The following PTTG1IP2 variants were observed in gnomAD, a reference collection of about 807,000 sequenced individuals.
PTTG1IP2 encodes the protein PTTG1IP family member 2.
At chr7:90,483,522 A>G (rs1318242034) in intron 2 of PTTG1IP2, among the ~76,000 whole-genome samples, 1 of 152,158 alleles carries the variant, frequency 6.6e-6, no homozygotes, top group Non-Finnish European at 1.5e-5. Context: ...CTGAGTTCAG[A>G]CAAAATGGAA....
chr7:90,497,496 G>A (rs1398703545), intron 6 of PTTG1IP2, among the ~76,000 whole-genome samples: 4 of 149,836 alleles, frequency 2.7e-5, no homozygotes, highest in South Asian at 2.1e-4. Flanking sequence ...CCCGGGAGGC[G>A]GAGCTTGCAG....
At chr7:90,508,953 G>A (rs556707213) in intron 6 of PTTG1IP2, among the ~76,000 whole-genome samples, 53 of 152,278 alleles carry the variant, frequency 3.5e-4, no homozygotes, top group African/African-American at 1.3e-3. Flanking sequence ...GGTGAGGTGA[G>A]CAATCTGGCT....
intron 4 of PTTG1IP2, among the ~76,000 whole-genome samples, chr7:90,491,469 A>G (rs17866289): frequency 6.6e-6 from 1 of 152,028 alleles, no homozygotes; most frequent in Non-Finnish European, 1.5e-5. Context: ...CTAAAAATAC[A>G]AAACTTAGCT....
At chr7:90,511,025 C>T (rs1798183805) in intron 6 of PTTG1IP2, among the ~76,000 whole-genome samples, 1 of 152,080 alleles carries the variant, frequency 6.6e-6, no homozygotes. Context: ...TCAGAACTTA[C>T]ACCAGTCATC....
chr7:90,497,546 A>G (rs1046683869), intron 6 of PTTG1IP2, among the ~76,000 whole-genome samples: 10 of 140,176 alleles, frequency 7.1e-5, no homozygotes, highest in Non-Finnish European at 1.4e-4. Context: ...CCTGGGCGAC[A>G]GAGCGAGAAT....
intron 2 of PTTG1IP2, among the ~76,000 whole-genome samples, chr7:90,480,067 A>G (rs774891115): frequency 2.5e-4 from 38 of 152,152 alleles, no homozygotes; most frequent in Admixed American, 9.2e-4. Flanking sequence ...TGCTTTCCAC[A>G]GCCAGCGATG....
chr7:90,505,751 G>A (rs932237123), intron 6 of PTTG1IP2, among the ~76,000 whole-genome samples: 2 of 151,798 alleles, frequency 1.3e-5, no homozygotes, highest in Admixed American at 6.6e-5. Flanking sequence ...TTGGGAGGCC[G>A]AGGCGGGTGG....
intron 2 of PTTG1IP2, among the ~76,000 whole-genome samples, chr7:90,484,502 A>C (rs1160883439): frequency 6.6e-6 from 1 of 152,144 alleles, no homozygotes; most frequent in Non-Finnish European, 1.5e-5. Flanking sequence ...CACTCCAAAA[A>C]GGCTGATGGC....
chr7:90,513,005 C>A (rs961259522), intron 6 of PTTG1IP2, among the ~76,000 whole-genome samples: 1 of 152,150 alleles, frequency 6.6e-6, no homozygotes, highest in African/African-American at 2.4e-5. Context: ...CATTCCCTTT[C>A]GTGTTGGCAG....
At chr7:90,504,069 C>A (rs914189727) in intron 6 of PTTG1IP2, among the ~76,000 whole-genome samples, 2 of 152,098 alleles carry the variant, frequency 1.3e-5, no homozygotes, top group Non-Finnish European at 2.9e-5. Context: ...GTAATCCCAG[C>A]ATTTTGGGAG....
At chr7:90,497,428 G>A (rs1798006570) in intron 6 of PTTG1IP2, among the ~76,000 whole-genome samples, 2 of 151,862 alleles carry the variant, frequency 1.3e-5, no homozygotes, top group Non-Finnish European at 2.9e-5. Flanking sequence ...GCCGGGCGTG[G>A]CGGCGGGCGC....
At chr7:90,504,267 G>C (rs1182683109) in intron 6 of PTTG1IP2, among the ~76,000 whole-genome samples, 1 of 151,662 alleles carries the variant, frequency 6.6e-6, no homozygotes, top group East Asian at 1.9e-4. Context: ...AGTGAGCCAA[G>C]ATCACGCCAC....
intron 6 of PTTG1IP2, among the ~76,000 whole-genome samples, chr7:90,497,522 C>T (rs1216584500): frequency 6.8e-6 from 1 of 146,624 alleles, no homozygotes; most frequent in Non-Finnish European, 1.5e-5. Flanking sequence ...CGAGATCGCG[C>T]CACTGCACTC....
intron 6 of PTTG1IP2, among the ~76,000 whole-genome samples, chr7:90,508,182 G>T (rs1798145630): frequency 6.6e-6 from 1 of 151,004 alleles, no homozygotes; most frequent in Non-Finnish European, 1.5e-5. Context: ...TGCAACGATT[G>T]CTTCAGCACA....
chr7:90,506,429 A>G (rs1156488625), intron 6 of PTTG1IP2, among the ~76,000 whole-genome samples: 1 of 152,128 alleles, frequency 6.6e-6, no homozygotes, highest in East Asian at 1.9e-4. Flanking sequence ...AAGTCAGATT[A>G]ATTTCCATTA....
At chr7:90,481,946 A>T (rs1797819578) in intron 2 of PTTG1IP2, among the ~76,000 whole-genome samples, 1 of 152,182 alleles carries the variant, frequency 6.6e-6, no homozygotes, top group South Asian at 2.1e-4. Context: ...ATACTTTTTT[A>T]AAATTTTCTA....
At chr7:90,489,125 T>TG (rs1797910244) in intron 4 of PTTG1IP2, among the ~76,000 whole-genome samples, 161 bp downstream of exon 4, 2 of 148,676 alleles carry the variant, frequency 1.3e-5, no homozygotes, top group African/African-American at 4.9e-5. Flanking sequence ...AATTGTAAAA[T>TG]GAAAAAAAAA....
intron 2 of PTTG1IP2, among the ~76,000 whole-genome samples, chr7:90,484,569 C>T (rs1797847697): frequency 6.6e-6 from 1 of 151,936 alleles, no homozygotes; most frequent in East Asian, 1.9e-4. Flanking sequence ...TGTAATTTAC[C>T]TTAAATTATA....
chr7:90,498,175 G>A lies in PTTG1IP2; in HGVS notation c.*50+3745G>A, dbSNP rs185849127. ...CGAGTAGCTGGGACTACAGGCGCCC[G>A]CCACCACGCCTGGCTAATTTTTTGT... On this transcript the variant is annotated intron_variant, in intron 6 of 6. Transcript: ENST00000509356. Among the ~76,000 whole-genome samples, 183 of 152,154 alleles carry A rather than the reference G, an allele frequency of 1.2e-3. 3 individuals carry two copies. In the East Asian group the frequency reaches 0.029, roughly 24 times the overall value.
Sources: allele counts gnomAD v4.1 joint callset (sites outside exome capture counted in the v4.1 genomes callset), GRCh38; gene constraint gnomAD v4.1.1; transcripts MANE v1.5; gene names NCBI Gene and HGNC (gene_info 2026-07-23, HGNC 2026-07-21).